The following CRY1 variants were observed in gnomAD, a reference collection of about 807,000 sequenced individuals.
CRY1 encodes the protein cryptochrome circadian regulator 1.
In CRY1, 45 loss-of-function variants were observed where a neutral mutation model predicts 76.0. That is an observed-to-expected ratio of 0.59 (90% CI 0.47 to 0.76). The LOEUF (loss-of-function observed/expected upper bound fraction) is 0.76, where lower values mean the gene tolerates loss of function less well. Ranked by LOEUF, CRY1 falls within the 30% of genes least tolerant of loss-of-function variation. The pLI, the probability that CRY1 is intolerant of heterozygous loss-of-function variation, is 0.00. For missense variants in CRY1, 587 were observed against 716.4 expected (o/e 0.82, Z 2.06); for synonymous variants, 248 against 244.0 (o/e 1.02, Z -0.15).
chr12:107,014,590 C>T (rs201106432), intron 2 of CRY1, among the ~76,000 whole-genome samples: 1 of 39,250 alleles, frequency 2.5e-5, no homozygotes, highest in Non-Finnish European at 7.7e-5. Context: ...TTTCTTTCTA[C>T]TAACTATTAG....
At chr12:107,045,237 G>C (rs1313427331) in intron 1 of CRY1, among the ~76,000 whole-genome samples, 1 of 148,174 alleles carries the variant, frequency 6.7e-6, no homozygotes, top group Non-Finnish European at 1.5e-5. Context: ...AGTGCTAAGA[G>C]AAAAAAAAAA....
chr12:107,053,787 G>A (rs1043061455), intron 1 of CRY1, among the ~76,000 whole-genome samples: 9 of 152,134 alleles, frequency 5.9e-5, no homozygotes, highest in African/African-American at 1.7e-4. Flanking sequence ...ATTCATCATC[G>A]AAAAACTTCA....
chr12:107,028,265 TA>T (rs1355519909), intron 1 of CRY1, among the ~76,000 whole-genome samples: 1 of 152,170 alleles, frequency 6.6e-6, no homozygotes, highest in Non-Finnish European at 1.5e-5. Context: ...GTAAATTTAA[TA>T]AAATTTACAT....
At chr12:107,000,803 C>T (rs1475230308) in intron 5 of CRY1, among the ~76,000 whole-genome samples, 2 of 151,902 alleles carry the variant, frequency 1.3e-5, no homozygotes, top group African/African-American at 4.8e-5. Flanking sequence ...GCACACACCA[C>T]CACCCTGGCT....
At chr12:107,026,056 G>A (rs1037912310) in intron 1 of CRY1, among the ~76,000 whole-genome samples, 2 of 73,996 alleles carry the variant, frequency 2.7e-5, no homozygotes, top group East Asian at 5.8e-4. Context: ...GTCCTTCAGA[G>A]GATGAAAAAA....
chr12:107,041,701 G>A (rs1176579417), intron 1 of CRY1, among the ~76,000 whole-genome samples: 1 of 147,736 alleles, frequency 6.8e-6, no homozygotes, highest in Non-Finnish European at 1.5e-5. Flanking sequence ...GCAAATGGAG[G>A]AGCTATATAT....
At chr12:107,074,069 C>G (rs976028973) in intron 1 of CRY1, among the ~76,000 whole-genome samples, 1 of 152,142 alleles carries the variant, frequency 6.6e-6, no homozygotes, top group East Asian at 1.9e-4. Flanking sequence ...TTCCAAAAAC[C>G]TACATGTCAC....
At chr12:107,064,885 AACAG>A (rs1315006888) in intron 1 of CRY1, among the ~76,000 whole-genome samples, 16 of 152,256 alleles carry the variant, frequency 1.1e-4, no homozygotes, top group Admixed American at 9.2e-4. Flanking sequence ...CTAATGGAGC[AACAG>A]ACATTCTCTA....
intron 1 of CRY1, chr12:107,072,987 T>C (rs928040981): frequency 6.6e-6 from 1 of 152,176 alleles, no homozygotes; most frequent in Non-Finnish European, 1.5e-5. Flanking sequence ...CTGGCCATCA[T>C]TTTGTGGAAA....
chr12:107,023,525 A>G (rs1432860053), intron 1 of CRY1, among the ~76,000 whole-genome samples: 1 of 152,160 alleles, frequency 6.6e-6, no homozygotes, highest in Non-Finnish European at 1.5e-5. Context: ...ACATTCCGAT[A>G]CCATCATTTC....
Position 106,997,503 on chromosome 12 carries a change from G to T in CRY1, c.1477C>A (p.Arg493=). Residue 493 remains arginine, a synonymous_variant, in exon 9 of 13, where the codon CGA becomes AGA. Coordinates refer to ENST00000008527, the MANE Select transcript of CRY1 (RefSeq NM_004075.5). The part of the protein sequence containing the change: ...RMKQIYQQLS[R]YRGLGLLASV... ...CTTAACATACCTAGTCCTCTATATCGTGAAAGCTGCTGATAGATCTGTTTC... is the reference window on the plus strand; with the variant it reads ...CTTAACATACCTAGTCCTCTATATCTTGAAAGCTGCTGATAGATCTGTTTC... 1 of 1,613,866 alleles carries T rather than the reference G, an allele frequency of 6.2e-7. No individual in the cohort carries two copies.
intron 1 of CRY1, among the ~76,000 whole-genome samples, chr12:107,059,336 C>G (rs1218429803): frequency 6.6e-6 from 1 of 152,168 alleles, no homozygotes; most frequent in Non-Finnish European, 1.5e-5. Flanking sequence ...ACTGCAGCCT[C>G]AACCTCCCTG....
rs11113183 is a variant in CRY1, at chr12:107,081,531, T to C, written c.158+11273A>G. Among the ~76,000 whole-genome samples, 69 of 152,072 alleles carry C rather than the reference T, an allele frequency of 4.5e-4. No individual in the cohort carries two copies. In the East Asian group the frequency reaches 0.012, roughly 27 times the overall value. ...ATTATTTTTGTCTTACTGTCCGTTT[T>C]CCCCCCACTGGAATAGGGCAGCAAC... On this transcript the variant is annotated intron_variant, in intron 1 of 12. Transcript: ENST00000008527.
At chr12:107,038,690 T>C (rs1952764435) in intron 1 of CRY1, among the ~76,000 whole-genome samples, 1 of 152,218 alleles carries the variant, frequency 6.6e-6, no homozygotes, top group East Asian at 1.9e-4. Context: ...AGTCCTGGAC[T>C]TTCCTTTCAT....
rs150435323 is a variant in CRY1, at chr12:107,008,932, C to A, written c.268-3684G>T. On this transcript the variant is annotated intron_variant, in intron 2 of 12. Transcript: ENST00000008527. ...TCCATCTTCCACTAGGATTGTGAGG[C>A]CTCCCCAGTCACGTGAAACTGTGAG... 3.3e-5 allele frequency among the ~76,000 whole-genome samples: 5 copies of A among 152,330 alleles called. No individual in the cohort carries two copies. The East Asian group carries it at 5.8e-4, about 18-fold the overall frequency.
chr12:107,087,489 C>T (rs1412774171), intron 1 of CRY1, among the ~76,000 whole-genome samples: 2 of 152,242 alleles, frequency 1.3e-5, no homozygotes, highest in South Asian at 4.1e-4. Flanking sequence ...TATTTTACAG[C>T]TTTAAGATTT....
intron 7 of CRY1, among the ~76,000 whole-genome samples, chr12:106,999,239 G>A (rs574963860): frequency 2.0e-5 from 3 of 151,902 alleles, no homozygotes; most frequent in South Asian, 4.2e-4. Context: ...AATTCTTTTC[G>A]TGATAGAAAT....
intron 1 of CRY1, among the ~76,000 whole-genome samples, chr12:107,052,822 T>C (rs766988024): frequency 3.2e-4 from 49 of 152,052 alleles, no homozygotes; most frequent in Non-Finnish European, 2.1e-4. Context: ...TGGCAAGAGA[T>C]TATTAGGTTA....
intron 7 of CRY1, among the ~76,000 whole-genome samples, chr12:106,999,158 G>C (rs1315745297): frequency 6.6e-6 from 1 of 151,762 alleles, no homozygotes; most frequent in African/African-American, 2.4e-5. Flanking sequence ...AAAAAGCTGA[G>C]AAGTGAGGTG....
Sources: allele counts gnomAD v4.1 joint callset (sites outside exome capture counted in the v4.1 genomes callset), GRCh38; gene constraint gnomAD v4.1.1; transcripts MANE v1.5; gene names NCBI Gene and HGNC (gene_info 2026-07-23, HGNC 2026-07-21).